MEX3C: variants seen among roughly 807,000 people sequenced by gnomAD.
The protein encoded by MEX3C is mex-3 RNA binding family member C.
MEX3C carries 15 observed loss-of-function variants against 35.5 expected under a neutral mutation model. That is an observed-to-expected ratio of 0.42 (90% CI 0.28 to 0.65). MEX3C has a LOEUF of 0.65. Among genes scored for constraint, MEX3C ranks in the 30% least tolerant of loss-of-function variants. The pLI is 0.20. For synonymous variants in MEX3C, 390 were observed against 352.8 expected (o/e 1.11, Z -1.18); for missense variants, 711 against 842.8 (o/e 0.84, Z 1.94).
At position 51,177,340 on chromosome 18, in the gene MEX3C, C is replaced by T. The variant is rs1278880184; in HGVS notation, c.991G>A (p.Val331Ile). ...PNLPGQTTVQ[V>I]RVPYRVVGLV... Reference sequence around the variant, plus strand: ...CCTACCACACGATAAGGGACCCTGACTTGGACGGTGGTTTGACCGGGCAGA... The same window carrying T: ...CCTACCACACGATAAGGGACCCTGATTTGGACGGTGGTTTGACCGGGCAGA... The change falls in exon 2 of 2, where the codon GTC becomes ATC. Residue 331 changes from valine (V) to isoleucine (I), a missense_variant. Val to Ile is a conservative substitution (Grantham distance 29). Transcript: ENST00000406189. The surrounding 1 kb of genome is among the most constrained non-coding windows in gnomAD (Gnocchi z 4.2). 7 of 1,613,982 alleles carry T rather than the reference C, an allele frequency of 4.3e-6. No homozygotes were observed. Among genetic ancestry groups the T allele is most frequent in the Non-Finnish European group, 5.9e-6 (7 of 1,179,882 alleles).
chr18:51,196,871 G>T lies in MEX3C; in HGVS notation c.450C>A (p.Thr150=). 6.5e-7 allele frequency: 1 copy of T among 1,539,620 alleles called. No individual in the cohort carries two copies. The highest frequency in any genetic ancestry group is 8.7e-7 in the Non-Finnish European group (1 of 1,145,572). Reference sequence around the variant, plus strand: ...CCGGGATCTGCTGGGTCTGAGAGGCGGTGGCCGCGGGCGGCGACAGCAGCA... The same window carrying T: ...CCGGGATCTGCTGGGTCTGAGAGGCTGTGGCCGCGGGCGGCGACAGCAGCA... The part of the protein sequence containing the change: ...SLLLLSPPAA[T]ASQTQQIPGG... Residue 150 remains threonine (T), a synonymous_variant, in exon 1 of 2, where the codon ACC becomes ACA. Transcript: ENST00000406189.
Position 51,176,170 on chromosome 18 carries a change from A to C in MEX3C, c.*181T>G. On this transcript the variant is annotated 3_prime_UTR_variant, in exon 2 of 2. Transcript: ENST00000406189. ...TTCAAACCAAACTAATAGACAAGAGACCACTTAGGTTTAGTGTTACCATAG... is the reference window on the plus strand; with the variant it reads ...TTCAAACCAAACTAATAGACAAGAGCCCACTTAGGTTTAGTGTTACCATAG... 1 of 572,762 alleles carries C rather than the reference A, an allele frequency of 1.7e-6. No individual in the cohort carries two copies. Among genetic ancestry groups the C allele is most frequent in the Non-Finnish European group, 2.9e-6 (1 of 339,526 alleles). The allele number at this position is 572,762 out of a possible 1,614,324, so 35.5% of individuals were successfully genotyped here. A position where few individuals can be genotyped will look rare whatever the true frequency, so the allele number is the denominator to read the frequency against.
At chr18:51,185,638 G>C (rs886853775) in intron 1 of MEX3C, among the ~76,000 whole-genome samples, 2 of 152,022 alleles carry the variant, frequency 1.3e-5, no homozygotes, top group African/African-American at 4.8e-5. Flanking sequence ...TTTCTTCCAA[G>C]TACCTAGCTT....
At chr18:51,186,263 C>T (rs1005565924) in intron 1 of MEX3C, among the ~76,000 whole-genome samples, 1 of 152,128 alleles carries the variant, frequency 6.6e-6, no homozygotes, top group African/African-American at 2.4e-5. Context: ...ACACTGAATA[C>T]AGTAACCGGT....
chr18:51,193,431 G>A (rs1431248108), intron 1 of MEX3C: 1 of 152,060 alleles, frequency 6.6e-6, no homozygotes, highest in African/African-American at 2.4e-5. Context: ...TCACTTTTTA[G>A]TCTAAATGGA....
intron 1 of MEX3C, among the ~76,000 whole-genome samples, chr18:51,190,371 T>C (rs1160007693): frequency 6.6e-6 from 1 of 152,202 alleles, no homozygotes; most frequent in Non-Finnish European, 1.5e-5. Flanking sequence ...TACTTTTACA[T>C]TGGTAACCAT....
In MEX3C at chr18:51,196,678, C is replaced by T. The variant is rs775902960; in HGVS notation, c.643G>A (p.Ala215Thr). Residue 215 changes from alanine to threonine, a missense_variant, in exon 1 of 2, where the codon GCC becomes ACC. Physicochemically the swap from Ala to Thr is moderately conservative, Grantham distance 58. Coordinates refer to ENST00000406189, the MANE Select transcript of MEX3C (RefSeq NM_016626.5). The stretch of plus-strand genomic sequence containing the variant: ...GCCGCCTGCTCCCCGTTCAGGGCGG[C>T]CGCCGCCGCCCCACAACCGCCGGGG... Reference protein sequence around the residue: ...YGPGGCGAAAAALNGEQAALL... With the variant: ...YGPGGCGAAATALNGEQAALL... 3.2e-6 allele frequency: 5 copies of T among 1,545,392 alleles called. No individual in the cohort carries two copies. Among genetic ancestry groups the T allele is most frequent in the Middle Eastern group, 1.7e-4 (1 of 5,890 alleles).
chr18:51,177,641 C>A lies in MEX3C; in HGVS notation c.755-65G>T. 1 of 1,476,878 alleles carries A rather than the reference C, an allele frequency of 6.8e-7. No individual in the cohort carries two copies. The highest frequency in any genetic ancestry group is 9.0e-7 in the Non-Finnish European group (1 of 1,105,108). The allele number at this position is 1,476,878 out of a possible 1,614,324, so 91.5% of individuals were successfully genotyped here. ...TTCAATGATATATATAAAGACAAATCACAGAATGCACCTTTTAAGCTAAAT... is the reference window on the plus strand; with the variant it reads ...TTCAATGATATATATAAAGACAAATAACAGAATGCACCTTTTAAGCTAAAT... On this transcript the variant is annotated intron_variant, in intron 1 of 1. Coordinates refer to ENST00000406189, the MANE Select transcript of MEX3C (RefSeq NM_016626.5). The surrounding 1 kb of genome is among the most constrained non-coding windows in gnomAD (Gnocchi z 4.2).
chr18:51,182,931 C>T (rs1003775580), intron 1 of MEX3C, among the ~76,000 whole-genome samples: 2 of 152,160 alleles, frequency 1.3e-5, no homozygotes, highest in Non-Finnish European at 2.9e-5. Context: ...AAGTTTAAAA[C>T]CACTAGACAA....
Position 51,196,664 on chromosome 18 carries a change from C to A in MEX3C, c.657G>T (p.Gly219=), listed in dbSNP as rs1912797063. The part of the protein sequence containing the change: ...GCGAAAAALN[G]EQAALLRRKS... ...TTCTCCGGAGCAGGGCCGCCTGCTCCCCGTTCAGGGCGGCCGCCGCCGCCC... is the reference window on the plus strand; with the variant it reads ...TTCTCCGGAGCAGGGCCGCCTGCTCACCGTTCAGGGCGGCCGCCGCCGCCC... The change falls in exon 1 of 2, where the codon GGG becomes GGT. Residue 219 remains glycine, a synonymous_variant. Transcript: ENST00000406189. 6.4e-7 allele frequency: 1 copy of A among 1,560,836 alleles called. No individual in the cohort carries two copies. The highest frequency in any genetic ancestry group is 8.6e-7 in the Non-Finnish European group (1 of 1,159,108).
Position 51,175,520 on chromosome 18 carries a change from T to G in MEX3C, c.*831A>C, listed in dbSNP as rs141492817. ...GATTGAACATAAAATGTTTCACATT[T>G]TGATCTATAGTCTAAAAATTAACAG... is the stretch of plus-strand genomic sequence containing the variant. On this transcript the variant is annotated 3_prime_UTR_variant, in exon 2 of 2. Transcript: ENST00000406189. 6.5e-6 allele frequency: 1 copy of G among 152,794 alleles called. No individual in the cohort carries two copies. The highest frequency in any genetic ancestry group is 2.4e-5 in the African/African-American group (1 of 41,584). The allele number at this position is 152,794 out of a possible 1,614,324, so 9.5% of individuals were successfully genotyped here.
At chr18:51,192,455 C>A (rs1056526689) in intron 1 of MEX3C, among the ~76,000 whole-genome samples, 28 of 152,146 alleles carry the variant, frequency 1.8e-4, no homozygotes, top group African/African-American at 6.3e-4. Flanking sequence ...CGCAAATTAA[C>A]TTTCTGTACT....
intron 1 of MEX3C, chr18:51,193,655 T>C (rs1912707102): frequency 1.3e-5 from 2 of 152,262 alleles, no homozygotes; most frequent in Admixed American, 6.5e-5. Flanking sequence ...CCTGGCTTTA[T>C]TTTACAGTAT....
rs1011686063 is a variant in MEX3C at position 51,176,131 on chromosome 18, G to C, written c.*220C>G. ...ATAAACTATGTCTCTGGGTCTACAG[G>C]ATAGTACTAATAATTCAAACCAAAC... On this transcript the variant is annotated 3_prime_UTR_variant, in exon 2 of 2. Coordinates refer to ENST00000406189, the MANE Select transcript of MEX3C (RefSeq NM_016626.5). The C allele has an allele frequency of 2.1e-6, 1 of 481,276 alleles. No homozygotes were observed. The highest frequency in any genetic ancestry group is 3.6e-6 in the Non-Finnish European group (1 of 275,548). 29.8% of individuals were successfully genotyped at this position (481,276 alleles called of 1,614,324 possible). A position where few individuals can be genotyped will look rare whatever the true frequency, so the allele number is the denominator to read the frequency against.
chr18:51,196,798 GGGC>G lies in MEX3C; in HGVS notation c.520_522del (p.Ala174del), dbSNP rs1568236641. 9 of 1,526,182 alleles carry G rather than the reference GGGC, an allele frequency of 5.9e-6. No homozygotes were observed. In the Admixed American group the frequency reaches 1.8e-4, roughly 31 times the overall value. 94.5% of individuals were successfully genotyped at this position (1,526,182 alleles called of 1,614,324 possible). A position where few individuals can be genotyped will look rare whatever the true frequency, so the allele number is the denominator to read the frequency against. ...GCCGCCGCCGCGGCCGCCGCCTCCC[GGGC>G]ATCGAACCTGGCGGCTGGCAGCAGC... On this transcript the variant is annotated inframe_deletion, in exon 1 of 2. Transcript: ENST00000406189.
intron 1 of MEX3C, chr18:51,193,803 T>C (rs1912711134): frequency 6.6e-6 from 1 of 152,352 alleles, no homozygotes; most frequent in South Asian, 2.1e-4. Flanking sequence ...CGGTAGTTTG[T>C]GTTTTAGAAA....
chr18:51,188,686 T>C (rs910009889), intron 1 of MEX3C, among the ~76,000 whole-genome samples: 1 of 151,798 alleles, frequency 6.6e-6, no homozygotes, highest in Non-Finnish European at 1.5e-5. Context: ...TACAATGATA[T>C]AAACAATAAA....
chr18:51,195,548 CA>C (rs1159910872), intron 1 of MEX3C: 3 of 152,186 alleles, frequency 2.0e-5, no homozygotes, highest in African/African-American at 7.2e-5. Flanking sequence ...TATTTGACCC[CA>C]ACAATGCTCT....
intron 1 of MEX3C, among the ~76,000 whole-genome samples, chr18:51,191,776 G>A (rs978719301): frequency 2.0e-5 from 3 of 152,086 alleles, no homozygotes; most frequent in Admixed American, 1.3e-4. Flanking sequence ...GTGCAAAAGA[G>A]GAATCTGAAG....
Sources: gnomAD v4.1 joint callset for allele counts (sites outside exome capture counted in the v4.1 genomes callset) on GRCh38, gnomAD v4.1.1 for gene constraint, Gnocchi (gnomAD v3.1) non-coding constraint, MANE v1.5 for transcripts, NCBI Gene and HGNC (gene_info 2026-07-23, HGNC 2026-07-21) for gene names.